MIPOL1: variants seen among roughly 807,000 people sequenced by gnomAD.
MIPOL1 encodes mirror-image polydactyly gene 1 protein.
MIPOL1 carries 57 observed loss-of-function variants against 60.9 expected under a neutral mutation model. The observed-to-expected ratio is 0.94, with a 90% CI of 0.76 to 1.17. The LOEUF is 1.17. Among genes scored for constraint, MIPOL1 ranks in the 50% most tolerant of loss-of-function variants. The pLI, the probability that MIPOL1 is intolerant of heterozygous loss-of-function variation, is 0.00. For synonymous variants in MIPOL1, 179 were observed against 168.8 expected, an observed-to-expected ratio of 1.06 and a Z score of -0.47; for missense variants, 551 against 511.6, an observed-to-expected ratio of 1.08 and a Z score of -0.74.
chr14:37,367,545 T>A (rs1437192391), intron 9 of MIPOL1, among the ~76,000 whole-genome samples: 1 of 152,012 alleles, frequency 6.6e-6, no homozygotes, highest in Non-Finnish European at 1.5e-5. Context: ...TTTCTTCAGA[T>A]ACACTTCTTA....
intron 11 of MIPOL1, among the ~76,000 whole-genome samples, chr14:37,433,637 C>T (rs916678226): frequency 6.6e-6 from 1 of 152,078 alleles, no homozygotes; most frequent in Admixed American, 6.5e-5. Flanking sequence ...CTCACTGCAA[C>T]CTCTGCCTCC....
At chr14:37,539,428 T>C (rs539068130) in intron 12 of MIPOL1, among the ~76,000 whole-genome samples, 40 of 152,248 alleles carry the variant, frequency 2.6e-4, no homozygotes, top group Admixed American at 7.8e-4. Flanking sequence ...TCTAAGCCCA[T>C]AGTGAAACAT....
In MIPOL1 at chr14:37,372,994, T is replaced by C. The variant is rs2092682565; in HGVS notation, c.936+3370T>C. On this transcript the variant is annotated intron_variant, in intron 10 of 12. Transcript: ENST00000684589. ...TTCTGGAAGAACATGTTTTTGAACATGTGATTTTGTTTGTTTGTTTCTTCG... is the reference window on the plus strand; with the variant it reads ...TTCTGGAAGAACATGTTTTTGAACACGTGATTTTGTTTGTTTGTTTCTTCG... 2.0e-5 allele frequency among the ~76,000 whole-genome samples: 3 copies of C among 152,176 alleles called. No homozygotes were observed. The South Asian group carries it at 6.2e-4, about 31-fold the overall frequency.
intron 10 of MIPOL1, among the ~76,000 whole-genome samples, chr14:37,383,200 C>T (rs1411893261): frequency 6.6e-6 from 1 of 151,744 alleles, no homozygotes; most frequent in Non-Finnish European, 1.5e-5. Flanking sequence ...ATATTCCATG[C>T]AAGTGTTTTC....
At chr14:37,516,949 A>T (rs779346519) in intron 12 of MIPOL1, among the ~76,000 whole-genome samples, 2 of 152,166 alleles carry the variant, frequency 1.3e-5, no homozygotes, top group Non-Finnish European at 2.9e-5. Flanking sequence ...TTATGAGGTA[A>T]ATATAATGAT....
At position 37,290,295 on chromosome 14, in the gene MIPOL1, G is replaced by A. The variant is rs145999840; in HGVS notation, c.623+4848G>A. ...AGCTGGAGAACAGTGACGTGATCTC[G>A]GCTCACCACAACCTCCGCCTCCCAG... On this transcript the variant is annotated intron_variant, in intron 7 of 12. Transcript: ENST00000684589. 4.1e-3 allele frequency among the ~76,000 whole-genome samples: 619 copies of A among 152,130 alleles called. 2 individuals are homozygous for A. In the Middle Eastern group the frequency reaches 0.048, roughly 12 times the overall value.
intron 6 of MIPOL1, among the ~76,000 whole-genome samples, chr14:37,280,258 G>T (rs2083997505): frequency 6.6e-6 from 1 of 151,928 alleles, no homozygotes; most frequent in African/African-American, 2.4e-5. Flanking sequence ...CTTGGCTATT[G>T]TGAGTAATGC....
At chr14:37,215,932 G>A (rs955914676) in intron 1 of MIPOL1, among the ~76,000 whole-genome samples, 4 of 152,060 alleles carry the variant, frequency 2.6e-5, no homozygotes, top group African/African-American at 9.7e-5. Flanking sequence ...GCCAGGCATG[G>A]TGGCAGGCAC....
intron 10 of MIPOL1, among the ~76,000 whole-genome samples, chr14:37,419,739 A>ATTTTTT (rs1047919916): frequency 6.9e-6 from 1 of 145,656 alleles, no homozygotes; most frequent in Non-Finnish European, 1.5e-5. Flanking sequence ...GGGGTAGGGG[A>ATTTTTT]TTTTTTTTTT....
At chr14:37,273,098 G>GTATAAATA (rs1308833255) in intron 6 of MIPOL1, among the ~76,000 whole-genome samples, 1 of 150,964 alleles carries the variant, frequency 6.6e-6, no homozygotes, top group East Asian at 1.9e-4. Flanking sequence ...AATAAGTTAT[G>GTATAAATA]ATACATTTAT....
intron 1 of MIPOL1, among the ~76,000 whole-genome samples, chr14:37,211,578 A>G (rs1281634674): frequency 6.6e-6 from 1 of 152,138 alleles, no homozygotes; most frequent in African/African-American, 2.4e-5. Flanking sequence ...AGTGCCTTCA[A>G]ACCTTGCCAC....
chr14:37,529,191 CT>C (rs2095465702), intron 12 of MIPOL1, among the ~76,000 whole-genome samples: 2 of 152,064 alleles, frequency 1.3e-5, no homozygotes, highest in South Asian at 2.1e-4. Flanking sequence ...CATTTTATCA[CT>C]TTTTGGAAAG....
intron 12 of MIPOL1, 136 bp from the exon 13 acceptor site, chr14:37,546,769 A>C (rs188904918): frequency 9.1e-4 from 619 of 683,372 alleles, no homozygotes; most frequent in Admixed American, 1.5e-3. Context: ...TGTCTCTCAC[A>C]GTAATGCTTT....
intron 9 of MIPOL1, among the ~76,000 whole-genome samples, chr14:37,339,080 A>C (rs2090394097): frequency 6.6e-6 from 1 of 152,274 alleles, no homozygotes; most frequent in Non-Finnish European, 1.5e-5. Context: ...TAATTCATTT[A>C]TAAAACAGTG....
intron 1 of MIPOL1, among the ~76,000 whole-genome samples, chr14:37,232,248 G>A (rs1424803468): frequency 6.6e-6 from 1 of 152,040 alleles, no homozygotes; most frequent in Non-Finnish European, 1.5e-5. Context: ...TATAAAAGAA[G>A]TTACTAATTG....
Position 37,276,930 on chromosome 14 carries a change from A to G in MIPOL1, c.493+6405A>G, listed in dbSNP as rs567286701. 25 of 151,322 alleles carry G rather than the reference A, an allele frequency of 1.7e-4. No homozygotes were observed. The South Asian group carries it at 4.8e-3, about 29-fold the overall frequency. The allele number at this position is 151,322 out of a possible 1,614,324, so 9.4% of individuals were successfully genotyped here. On this transcript the variant is annotated intron_variant, in intron 6 of 12. Coordinates refer to ENST00000684589, the MANE Select transcript of MIPOL1 (RefSeq NM_001388067.1). The stretch of plus-strand genomic sequence containing the variant: ...TTACTGTCTTTGGCTACAGAATTCT[A>G]TGGATATGAATCAGAATGAATTCTG...
At chr14:37,429,295 G>A (rs1411114900) in intron 11 of MIPOL1, among the ~76,000 whole-genome samples, 4 of 152,146 alleles carry the variant, frequency 2.6e-5, no homozygotes, top group African/African-American at 9.7e-5. Flanking sequence ...CTTAAAGAAA[G>A]TGTAAATTAA....
At chr14:37,242,147 T>C (rs1454873437) in intron 1 of MIPOL1, among the ~76,000 whole-genome samples, 2 of 151,740 alleles carry the variant, frequency 1.3e-5, no homozygotes, top group African/African-American at 4.8e-5. Context: ...TTTGTAAATA[T>C]TTAATTATTA....
chr14:37,368,849 A>G (rs1307810434), intron 9 of MIPOL1, among the ~76,000 whole-genome samples: 1 of 151,976 alleles, frequency 6.6e-6, no homozygotes, highest in East Asian at 1.9e-4. Flanking sequence ...TTAACTTATT[A>G]TTTTTACTTA....
Sources: allele counts gnomAD v4.1 joint callset (sites outside exome capture counted in the v4.1 genomes callset), GRCh38; gene constraint gnomAD v4.1.1; transcripts MANE v1.5; gene names NCBI Gene and HGNC (gene_info 2026-07-23, HGNC 2026-07-21).